The following MSRA variants were observed in gnomAD, a reference collection of about 807,000 sequenced individuals.
MSRA encodes mitochondrial peptide methionine sulfoxide reductase.
A neutral mutation model predicts 31.3 loss-of-function variants in MSRA; 54 were observed. The ratio of observed to expected loss-of-function variants is 1.73; its 90% confidence interval spans 1.39 to 2.17. The LOEUF is 2.17. Among genes scored for constraint, MSRA ranks in the 30% most tolerant of loss-of-function variants. The pLI, the probability that MSRA is intolerant of heterozygous loss-of-function variation, is 0.00. For missense variants in MSRA, 507 were observed against 300.9 expected, an observed-to-expected ratio of 1.69 and a Z score of -5.07; for synonymous variants, 169 against 116.5, an observed-to-expected ratio of 1.45 and a Z score of -2.90.
chr8:10,379,666 A>C (rs1351658639), intron 5 of MSRA, among the ~76,000 whole-genome samples: 2 of 152,108 alleles, frequency 1.3e-5, no homozygotes, highest in Non-Finnish European at 2.9e-5. Context: ...TTTTGACAAG[A>C]CCTATAATGG....
intron 1 of MSRA, among the ~76,000 whole-genome samples, chr8:10,189,625 A>G (rs556996005): frequency 6.6e-6 from 1 of 152,294 alleles, no homozygotes; most frequent in East Asian, 1.9e-4. Context: ...GCCAGTTAAT[A>G]TGGTAAATGA....
chr8:10,192,821 G>A (rs1312685558), intron 1 of MSRA, among the ~76,000 whole-genome samples: 1 of 152,168 alleles, frequency 6.6e-6, no homozygotes, highest in Non-Finnish European at 1.5e-5. Flanking sequence ...TATGGGCTGA[G>A]GAGGCCCTTC....
At chr8:10,408,816 G>A (rs1003495534) in intron 5 of MSRA, among the ~76,000 whole-genome samples, 8 of 134,418 alleles carry the variant, frequency 6.0e-5, no homozygotes, top group Middle Eastern at 7.6e-3. Context: ...AGAACATGCA[G>A]TAGTTGACCT....
intron 1 of MSRA, among the ~76,000 whole-genome samples, chr8:10,185,022 T>C (rs1405990065): frequency 2.0e-5 from 3 of 152,214 alleles, no homozygotes; most frequent in African/African-American, 7.2e-5. Flanking sequence ...ACCCGGTTCT[T>C]AACTGTTCTT....
At chr8:10,066,640 T>A (rs1797467956) in intron 1 of MSRA, among the ~76,000 whole-genome samples, 1 of 152,178 alleles carries the variant, frequency 6.6e-6, no homozygotes. Flanking sequence ...TTCAAGTGAT[T>A]GTTCTGCCTC....
At chr8:10,408,294 C>T (rs974256560) in intron 5 of MSRA, among the ~76,000 whole-genome samples, 3 of 152,120 alleles carry the variant, frequency 2.0e-5, no homozygotes, top group Non-Finnish European at 2.9e-5. Flanking sequence ...CCCAGCACTT[C>T]GGGAGGCTGA....
At chr8:10,221,277 G>A (rs1245246149) in intron 2 of MSRA, among the ~76,000 whole-genome samples, 2 of 152,126 alleles carry the variant, frequency 1.3e-5, no homozygotes, top group African/African-American at 4.8e-5. Flanking sequence ...GAAGGTTTTG[G>A]TAACTGTATT....
chr8:10,421,096 T>C (rs1808786625), intron 5 of MSRA, among the ~76,000 whole-genome samples: 1 of 152,106 alleles, frequency 6.6e-6, no homozygotes, highest in South Asian at 2.1e-4. Flanking sequence ...AGAGTCTGAC[T>C]CACATACAGG....
chr8:10,367,031 A>G (rs1330229179), intron 5 of MSRA, among the ~76,000 whole-genome samples: 4 of 152,206 alleles, frequency 2.6e-5, no homozygotes, highest in African/African-American at 9.7e-5. Context: ...GCCCAAAAAT[A>G]TTGAATGGAA....
chr8:10,232,520 G>C (rs919824555), intron 2 of MSRA, among the ~76,000 whole-genome samples: 3 of 152,128 alleles, frequency 2.0e-5, no homozygotes, highest in Non-Finnish European at 4.4e-5. Flanking sequence ...CGGCCTCTTA[G>C]GTATTTTTAG....
intron 1 of MSRA, among the ~76,000 whole-genome samples, chr8:10,130,160 T>C (rs1240635548): frequency 1.3e-5 from 2 of 152,324 alleles, no homozygotes; most frequent in South Asian, 2.1e-4. Flanking sequence ...CAGTCCCTTA[T>C]CCTCACCAAT....
chr8:10,396,190 T>A (rs1382890512), intron 5 of MSRA, among the ~76,000 whole-genome samples: 1 of 152,218 alleles, frequency 6.6e-6, no homozygotes, highest in Non-Finnish European at 1.5e-5. Flanking sequence ...ATGATCTTTG[T>A]CCTTGGTACA....
chr8:10,207,470 C>G (rs753252624), intron 1 of MSRA, among the ~76,000 whole-genome samples: 3 of 152,204 alleles, frequency 2.0e-5, no homozygotes, highest in African/African-American at 7.2e-5. Flanking sequence ...GGACTCACCC[C>G]CAGTTCAGCC....
At chr8:10,106,331 A>T (rs1199669851) in intron 1 of MSRA, among the ~76,000 whole-genome samples, 1 of 151,790 alleles carries the variant, frequency 6.6e-6, no homozygotes, top group Non-Finnish European at 1.5e-5. Flanking sequence ...AACCAGTGAA[A>T]TGTCCTCTCA....
Position 10,223,084 on chromosome 8 carries a change from G to C in MSRA, c.211+15183G>C, listed in dbSNP as rs557887429. ...CGTTTTACACCATAAAATTGTGTTT[G>C]TCAATTAAAAAGTAAATTTATAAAA... is the stretch of plus-strand genomic sequence containing the variant. On this transcript the variant is annotated intron_variant, in intron 2 of 5. Transcript: ENST00000317173. 3.9e-5 allele frequency among the ~76,000 whole-genome samples: 6 copies of C among 152,262 alleles called. No individual in the cohort carries two copies. The East Asian group carries it at 9.6e-4, about 24-fold the overall frequency.
At chr8:10,344,854 G>A (rs980652181) in intron 5 of MSRA, among the ~76,000 whole-genome samples, 2 of 152,140 alleles carry the variant, frequency 1.3e-5, no homozygotes, top group African/African-American at 2.4e-5. Context: ...AGTGTGTCAG[G>A]TGTCTATCAC....
intron 1 of MSRA, among the ~76,000 whole-genome samples, chr8:10,124,495 A>G (rs1461419411): frequency 1.3e-5 from 2 of 152,212 alleles, no homozygotes; most frequent in Non-Finnish European, 2.9e-5. Flanking sequence ...TGTGACTCTT[A>G]TGGAAAATTC....
intron 1 of MSRA, among the ~76,000 whole-genome samples, chr8:10,170,829 A>C (rs1194942703): frequency 6.6e-6 from 1 of 152,234 alleles, no homozygotes; most frequent in East Asian, 1.9e-4. Context: ...ACTCTGTCCA[A>C]TCAGCCCAAG....
intron 5 of MSRA, among the ~76,000 whole-genome samples, chr8:10,386,870 T>C (rs62490351): frequency 9.9e-5 from 10 of 100,852 alleles, no homozygotes; most frequent in Admixed American, 9.6e-4. Flanking sequence ...GAGTGGATTA[T>C]TTAAAAAAAA....
Sources: allele counts gnomAD v4.1 joint callset (sites outside exome capture counted in the v4.1 genomes callset), GRCh38; gene constraint gnomAD v4.1.1; transcripts MANE v1.5; gene names NCBI Gene and HGNC (gene_info 2026-07-23, HGNC 2026-07-21).